Variants in VCAN observed in about 807,000 individuals in gnomAD.
The protein encoded by VCAN is versican.
A neutral mutation model predicts 245.5 loss-of-function variants in VCAN; 44 were observed. The ratio of observed to expected loss-of-function variants is 0.18; its 90% CI spans 0.14 to 0.23. The LOEUF (loss-of-function observed/expected upper bound fraction) is 0.23, where lower values mean the gene tolerates loss of function less well. Ranked by LOEUF, VCAN falls within the 10% of genes least tolerant of loss-of-function variation. VCAN has a pLI of 1.00. For missense variants in VCAN, 3,793 were observed against 4,057.9 expected (o/e 0.93, Z 1.77); for synonymous variants, 1,413 against 1,437.0 (o/e 0.98, Z 0.38).
rs184346013 is a variant in VCAN, at chr5:83,521,990, G to C, written c.3684G>C (p.Ala1228=). The change falls in exon 7 of 15, where the codon GCG becomes GCC. Residue 1228 remains alanine (A), a synonymous_variant. Transcript: ENST00000265077. Reference sequence around the variant, plus strand: ...CTTCAGCATTCAAGCCATCTTCCGCGATCACTAAGAAACCACCTCTCATCG... The same window carrying C: ...CTTCAGCATTCAAGCCATCTTCCGCCATCACTAAGAAACCACCTCTCATCG... ...HTTSAFKPSS[A]ITKKPPLIDR... 1 of 1,614,114 alleles carries C rather than the reference G, an allele frequency of 6.2e-7. No homozygotes were observed. The highest frequency in any genetic ancestry group is 2.2e-5 in the East Asian group (1 of 44,882).
At chr5:83,566,010 C>T (rs1053885837) in intron 12 of VCAN, among the ~76,000 whole-genome samples, 26 of 149,876 alleles carry the variant, frequency 1.7e-4, no homozygotes, top group African/African-American at 6.4e-4. Flanking sequence ...GTTGCCCAGG[C>T]TGGAGTGCAA....
chr5:83,541,969 G>A lies in VCAN; in HGVS notation c.8966G>A (p.Gly2989Asp), dbSNP rs909209640. ...SASATYGVEA[G>D]VVPWLSPQTS... ...TCTGCCACCTATGGGGTCGAGGCAG[G>A]TGTGGTGCCTTGGCTAAGTCCACAG... Residue 2989 changes from glycine (G) to aspartate (D), a missense_variant, in exon 8 of 15, where the codon GGT becomes GAT. Coordinates refer to ENST00000265077, the MANE Select transcript of VCAN (RefSeq NM_004385.5). The A allele has an allele frequency of 3.7e-6, 6 of 1,613,874 alleles. No individual in the cohort carries two copies. The highest frequency in any genetic ancestry group is 1.1e-5 in the South Asian group (1 of 91,058).
chr5:83,474,118 C>T (rs1448989564), intron 1 of VCAN, among the ~76,000 whole-genome samples: 1 of 152,104 alleles, frequency 6.6e-6, no homozygotes, highest in African/African-American at 2.4e-5. Context: ...GCTAGGGCCC[C>T]GCCCCAGGAT....
At chr5:83,481,658 A>G (rs1744619957) in intron 1 of VCAN, among the ~76,000 whole-genome samples, 1 of 152,164 alleles carries the variant, frequency 6.6e-6, no homozygotes, top group Admixed American at 6.6e-5. Flanking sequence ...TATGTTTTTC[A>G]TTGTGAATTA....
intron 5 of VCAN, among the ~76,000 whole-genome samples, chr5:83,508,698 GATTA>G (rs1247498142): frequency 1.3e-5 from 2 of 152,146 alleles, no homozygotes; most frequent in African/African-American, 2.4e-5. Flanking sequence ...TATCTTAACA[GATTA>G]ATTCTTTTAA....
chr5:83,534,464 T>C (rs1047568723), intron 7 of VCAN, among the ~76,000 whole-genome samples: 3 of 152,076 alleles, frequency 2.0e-5, no homozygotes, highest in African/African-American at 7.2e-5. Context: ...CCATGTTTCT[T>C]ATTTAAAATC....
chr5:83,477,878 A>G (rs1401008436), intron 1 of VCAN, among the ~76,000 whole-genome samples: 3 of 152,160 alleles, frequency 2.0e-5, no homozygotes, highest in African/African-American at 7.2e-5. Flanking sequence ...AATAAATAGT[A>G]ATTAAAACAC....
chr5:83,477,306 GA>G (rs1744424489), intron 1 of VCAN, among the ~76,000 whole-genome samples: 1 of 152,122 alleles, frequency 6.6e-6, no homozygotes, highest in Non-Finnish European at 1.5e-5. Context: ...ATAAATCAGA[GA>G]GGGGCATATT....
At chr5:83,579,389 G>A (rs573984917) in intron 13 of VCAN, among the ~76,000 whole-genome samples, 173 of 152,048 alleles carry the variant, frequency 1.1e-3, no homozygotes, top group African/African-American at 4.1e-3. Flanking sequence ...TAAGCCTCCC[G>A]AGTAGCTGGG....
At chr5:83,545,175 G>T in intron 8 of VCAN, 1 of 332,262 alleles carries the variant, frequency 3.0e-6, no homozygotes, top group Non-Finnish European at 5.8e-6. Flanking sequence ...CCATTTAAAA[G>T]AATACATTTT....
intron 7 of VCAN, among the ~76,000 whole-genome samples, chr5:83,529,221 A>C (rs1746424860): frequency 2.0e-5 from 3 of 151,958 alleles, no homozygotes; most frequent in Admixed American, 2.0e-4. Flanking sequence ...AGTTATTGTG[A>C]TAGAAAGAGC....
At chr5:83,567,021 G>A (rs1748106002) in intron 12 of VCAN, among the ~76,000 whole-genome samples, 1 of 151,752 alleles carries the variant, frequency 6.6e-6, no homozygotes, top group African/African-American at 2.4e-5. Flanking sequence ...TATTATTTTG[G>A]CAGCTGATTT....
intron 12 of VCAN, among the ~76,000 whole-genome samples, chr5:83,571,724 C>T (rs310544): frequency 0.29 from 43,831 of 151,862 alleles, 6,490 homozygotes; most frequent in African/African-American, 0.31. Context: ...AATGTTTCTA[C>T]TAAAAAGAAA....
intron 10 of VCAN, among the ~76,000 whole-genome samples, chr5:83,550,999 G>A (rs1460903573): frequency 6.7e-6 from 1 of 150,016 alleles, no homozygotes; most frequent in Non-Finnish European, 1.5e-5. Flanking sequence ...ATAGTCATTG[G>A]GAAGCTATGA....
chr5:83,572,635 C>G (rs1392595663), intron 13 of VCAN, 75 bp downstream of exon 13: 1 of 1,581,742 alleles, frequency 6.3e-7, no homozygotes. Context: ...ATTTGTGTCT[C>G]AAATTCATTG....
At chr5:83,579,118 C>T (rs1376596670) in intron 13 of VCAN, among the ~76,000 whole-genome samples, 2 of 151,810 alleles carry the variant, frequency 1.3e-5, no homozygotes, top group Non-Finnish European at 2.9e-5. Context: ...TTTTTCTTGT[C>T]TCAATACAGA....
chr5:83,520,733 T>C lies in VCAN; in HGVS notation c.2427T>C (p.Asn809=). ...TVSKWSWDED[N]TTSKPLESTE... is the part of the protein sequence containing the mutation. ...CAAAATGGTCATGGGATGAAGATAA[T>C]ACAACATCCAAGCCTTTAGAGTCTA... The change falls in exon 7 of 15, where the codon AAT becomes AAC. Residue 809 remains asparagine, a synonymous_variant. Coordinates refer to ENST00000265077, the MANE Select transcript of VCAN (RefSeq NM_004385.5). 1 of 1,614,096 alleles carries C rather than the reference T, an allele frequency of 6.2e-7. No homozygotes were observed. Among genetic ancestry groups the C allele is most frequent in the Non-Finnish European group, 8.5e-7 (1 of 1,179,982 alleles).
In VCAN at chr5:83,541,381, C is replaced by T; in HGVS notation, c.8378C>T (p.Thr2793Ile). The stretch of plus-strand genomic sequence containing the variant: ...ACCCACCTTATGGATCAGAGTGTAA[C>T]AGAGGTGCCTGATGTGATGGAAGGA... ...ATTHLMDQSV[T>I]EVPDVMEGSN... The change falls in exon 8 of 15, where the codon ACA becomes ATA. Residue 2793 changes from threonine to isoleucine, a missense_variant. Physicochemically the swap from Thr to Ile is moderately conservative, Grantham distance 89. This residue lies in a region of VCAN where 3,182 missense variants were observed against 3,250.3 expected (regional missense o/e 0.98). Coordinates refer to ENST00000265077, the MANE Select transcript of VCAN (RefSeq NM_004385.5). The T allele has an allele frequency of 6.2e-7, 1 of 1,614,096 alleles. No individual in the cohort carries two copies.
chr5:83,564,038 A>G (rs1747980399), intron 12 of VCAN, among the ~76,000 whole-genome samples: 1 of 152,344 alleles, frequency 6.6e-6, no homozygotes, highest in South Asian at 2.1e-4. Context: ...AAGAAAATTC[A>G]GATTATGGAT....
Sources: gnomAD v4.1 joint callset for allele counts (sites outside exome capture counted in the v4.1 genomes callset) on GRCh38, gnomAD v4.1.1 for gene constraint, gnomAD v4.1.1 regional missense constraint, MANE v1.5 for transcripts, NCBI Gene and HGNC (gene_info 2026-07-23, HGNC 2026-07-21) for gene names.